HDAC4: variants seen among roughly 807,000 people sequenced by gnomAD.
HDAC4 encodes the protein histone deacetylase 4.
Under a neutral mutation model 135.1 loss-of-function variants are expected in HDAC4, and 16 were observed. That is an observed-to-expected ratio of 0.12 (90% CI 0.08 to 0.18). The LOEUF is 0.18. Among genes scored for constraint, HDAC4 ranks in the 10% least tolerant of loss-of-function variants. The pLI, the probability that HDAC4 is intolerant of heterozygous loss-of-function variation, is 1.00. For synonymous variants in HDAC4, 685 were observed against 653.4 expected (o/e 1.05, Z -0.74); for missense variants, 1,143 against 1,511.8 (o/e 0.76, Z 4.05).
chr2:239,315,987 T>C (rs1043101798), intron 2 of HDAC4, among the ~76,000 whole-genome samples: 1 of 152,138 alleles, frequency 6.6e-6, no homozygotes, highest in Non-Finnish European at 1.5e-5. Flanking sequence ...GCAATACACA[T>C]GAAAGACAAA....
chr2:239,082,021 G>A, intron 21 of HDAC4, 81 bp downstream of exon 21: 2 of 1,500,442 alleles, frequency 1.3e-6, no homozygotes, highest in Non-Finnish European at 9.2e-7. Context: ...CCGGGCAGCT[G>A]TGGACCGTCT....
intron 8 of HDAC4, among the ~76,000 whole-genome samples, chr2:239,142,876 C>T (rs371986817): frequency 4.6e-5 from 7 of 151,228 alleles, no homozygotes; most frequent in African/African-American, 1.7e-4. Context: ...CGCCCTGCCG[C>T]ATGGCTCCTG....
chr2:239,356,022 T>C (rs1286560808), intron 1 of HDAC4, among the ~76,000 whole-genome samples: 2 of 152,220 alleles, frequency 1.3e-5, no homozygotes, highest in Non-Finnish European at 1.5e-5. Flanking sequence ...CAAAACTGTA[T>C]ACTAAAAACA....
In HDAC4 at chr2:239,131,149, C is replaced by T. The variant is rs779528915; in HGVS notation, c.1294+3096G>A. ...AGAGGCACGCCCAGCCTGTGACTGG[C>T]GAGGAACTGCCCGGAGCGGTGCGGA... On this transcript the variant is annotated intron_variant, in intron 11 of 26. Transcript: ENST00000543185. 6.6e-5 allele frequency among the ~76,000 whole-genome samples: 10 copies of T among 152,194 alleles called. 1 individual carries two copies. The highest frequency in any genetic ancestry group is 4.1e-4 in the South Asian group (2 of 4,828).
chr2:239,208,049 G>C (rs1421641962), intron 3 of HDAC4, among the ~76,000 whole-genome samples: 1 of 151,986 alleles, frequency 6.6e-6, no homozygotes, highest in South Asian at 2.1e-4. Context: ...AAGGCCGGGC[G>C]CGGTGGCTCA....
chr2:239,272,876 T>C (rs2050132431), intron 2 of HDAC4, among the ~76,000 whole-genome samples: 1 of 152,124 alleles, frequency 6.6e-6, no homozygotes, highest in Non-Finnish European at 1.5e-5. Flanking sequence ...GGCCCTCTCG[T>C]CCCAAGCTGT....
intron 2 of HDAC4, among the ~76,000 whole-genome samples, chr2:239,300,988 C>T (rs1161851487): frequency 6.6e-6 from 1 of 152,224 alleles, no homozygotes; most frequent in Admixed American, 6.5e-5. Context: ...TGGGGCTGCC[C>T]GTCCAGAAGG....
At chr2:239,225,598 G>T (rs999160549) in intron 3 of HDAC4, among the ~76,000 whole-genome samples, 3 of 152,228 alleles carry the variant, frequency 2.0e-5, no homozygotes, top group African/African-American at 7.2e-5. Flanking sequence ...AGGAAGGCGG[G>T]GAAGGCAGGT....
intron 3 of HDAC4, among the ~76,000 whole-genome samples, chr2:239,230,063 C>G (rs11691856): frequency 6.6e-6 from 1 of 151,878 alleles, no homozygotes; most frequent in African/African-American, 2.4e-5. Flanking sequence ...AGGGTGGAAC[C>G]GGGAATCTTA....
At chr2:239,133,066 A>AT (rs1255787563) in intron 11 of HDAC4, among the ~76,000 whole-genome samples, 12 of 152,212 alleles carry the variant, frequency 7.9e-5, no homozygotes, top group Admixed American at 7.2e-4. Context: ...AGGGACACGA[A>AT]TTCAAGCTTC....
At chr2:239,256,111 T>G (rs1559291536) in intron 2 of HDAC4, among the ~76,000 whole-genome samples, 1 of 152,262 alleles carries the variant, frequency 6.6e-6, no homozygotes, top group African/African-American at 2.4e-5. Flanking sequence ...TTGTAGTCTG[T>G]GTGGAGCATC....
intron 2 of HDAC4, among the ~76,000 whole-genome samples, chr2:239,265,715 G>T (rs1418958535): frequency 6.6e-6 from 1 of 152,240 alleles, no homozygotes; most frequent in Non-Finnish European, 1.5e-5. Flanking sequence ...CTGGGTGCAG[G>T]CTCAAGGTCA....
chr2:239,288,415 T>G (rs961240418), intron 2 of HDAC4, among the ~76,000 whole-genome samples: 2 of 152,232 alleles, frequency 1.3e-5, no homozygotes, highest in Non-Finnish European at 2.9e-5. Flanking sequence ...AGTCCAGTAT[T>G]TCTGCTCTTA....
rs779463734 is a variant in HDAC4, at chr2:239,161,717, C to T, written c.611+2086G>A. 6 of 351,216 alleles carry T rather than the reference C, an allele frequency of 1.7e-5. No homozygotes were observed. The East Asian group carries it at 4.0e-4, about 24-fold the overall frequency. The allele number at this position is 351,216 out of a possible 1,614,324, so 21.8% of individuals were successfully genotyped here. ...GGCCCCTGCCATTAAAGCCAGGGCA[C>T]GCCGCCCTTGTCCAGGCCAAGACAC... is the stretch of plus-strand genomic sequence containing the variant. On this transcript the variant is annotated intron_variant, in intron 6 of 26. Coordinates refer to ENST00000543185, the MANE Select transcript of HDAC4 (RefSeq NM_001378414.1).
chr2:239,210,377 T>C (rs1204022270), intron 3 of HDAC4, among the ~76,000 whole-genome samples: 1 of 152,112 alleles, frequency 6.6e-6, no homozygotes, highest in South Asian at 2.1e-4. Context: ...ATGATTTCGA[T>C]TATTAAAAGC....
chr2:239,384,554 C>T (rs1017681446), intron 1 of HDAC4, among the ~76,000 whole-genome samples: 8 of 151,726 alleles, frequency 5.3e-5, no homozygotes, highest in Non-Finnish European at 1.2e-4. Flanking sequence ...GAGGTCAAGG[C>T]GGCAGTGAGC....
rs148641927 is a variant in HDAC4, at chr2:239,200,510, A to G, written c.95-10433T>C. 3.3e-5 allele frequency among the ~76,000 whole-genome samples: 5 copies of G among 152,320 alleles called. No homozygotes were observed. The East Asian group carries it at 9.6e-4, about 29-fold the overall frequency. On this transcript the variant is annotated intron_variant, in intron 3 of 26. Transcript: ENST00000543185. Reference sequence around the variant, plus strand: ...GAGCTTCGTATGTAGGTGAGTTTTTATATGCCACTTCTGTTTCTCTCATTT... The same window carrying G: ...GAGCTTCGTATGTAGGTGAGTTTTTGTATGCCACTTCTGTTTCTCTCATTT...
In HDAC4 at chr2:239,115,159, T is replaced by G; in HGVS notation, c.1685A>C (p.Gln562Pro). Residue 562 changes from glutamine to proline, a missense_variant, in exon 13 of 27, where the codon CAG becomes CCG. This residue lies in a region of HDAC4 where 196 missense variants were observed against 210.7 expected (regional missense o/e 0.93). Transcript: ENST00000543185. The surrounding 1 kb of genome is among the most constrained non-coding windows in gnomAD (Gnocchi z 6.3). ...QKEAHAQAGV[Q>P]VKQEPIESDE... is the part of the protein sequence containing the mutation. ...GCTCTCAATGGGCTCCTGCTTCACC[T>G]GCACGCCGGCCTGTGCGTGCGCCTC... The G allele has an allele frequency of 6.2e-7, 1 of 1,611,406 alleles. No homozygotes were observed. The highest frequency in any genetic ancestry group is 8.5e-7 in the Non-Finnish European group (1 of 1,179,940).
chr2:239,380,535 A>C (rs1320846966), intron 1 of HDAC4, among the ~76,000 whole-genome samples: 1 of 152,176 alleles, frequency 6.6e-6, no homozygotes, highest in African/African-American at 2.4e-5. Context: ...CCTGCCTTTA[A>C]AAACTCTAAT....
Sources: gnomAD v4.1 joint callset for allele counts (sites outside exome capture counted in the v4.1 genomes callset) on GRCh38, gnomAD v4.1.1 for gene constraint, gnomAD v4.1.1 regional missense constraint, Gnocchi (gnomAD v3.1) non-coding constraint, MANE v1.5 for transcripts, NCBI Gene and HGNC (gene_info 2026-07-23, HGNC 2026-07-21) for gene names.